Variants in GABRB1 observed in about 807,000 individuals in gnomAD.
GABRB1 encodes gamma-aminobutyric acid type A receptor subunit beta1, also known as gamma-aminobutyric acid receptor subunit beta-1.
Under a neutral mutation model 51.6 loss-of-function variants are expected in GABRB1, and 17 were observed. That is an observed-to-expected ratio of 0.33 (90% CI 0.23 to 0.49). The LOEUF (loss-of-function observed/expected upper bound fraction) is 0.49. Among genes scored for constraint, GABRB1 ranks in the 20% least tolerant of loss-of-function variants. The pLI, the probability that GABRB1 is intolerant of heterozygous loss-of-function variation, is 0.99. For missense variants in GABRB1, 410 were observed against 600.6 expected (o/e 0.68, Z 3.32); for synonymous variants, 247 against 218.9 (o/e 1.13, Z -1.14).
At chr4:47,045,830 A>G (rs1381365451) in intron 3 of GABRB1, among the ~76,000 whole-genome samples, 2 of 152,086 alleles carry the variant, frequency 1.3e-5, no homozygotes, top group Non-Finnish European at 2.9e-5. Context: ...CATTCAGTCT[A>G]TAGCAATCAT....
chr4:47,192,468 G>T (rs759393637), intron 4 of GABRB1, among the ~76,000 whole-genome samples: 2 of 152,060 alleles, frequency 1.3e-5, no homozygotes, highest in Non-Finnish European at 2.9e-5. Context: ...ATACATTTGG[G>T]TCTGTCATTT....
chr4:47,032,555 C>G (rs1725369418), intron 3 of GABRB1, 71 bp downstream of exon 3: 1 of 1,463,054 alleles, frequency 6.8e-7, no homozygotes, highest in East Asian at 2.3e-5. Context: ...CCTTTGCCCT[C>G]TGCGTTTCAT....
At chr4:47,300,116 G>A (rs1001190864) in intron 4 of GABRB1, among the ~76,000 whole-genome samples, 3 of 150,156 alleles carry the variant, frequency 2.0e-5, no homozygotes, top group African/African-American at 7.4e-5. Flanking sequence ...GGGAGGGATA[G>A]CATTAGGAGA....
intron 5 of GABRB1, among the ~76,000 whole-genome samples, chr4:47,323,650 G>T (rs372399035): frequency 6.6e-6 from 1 of 152,146 alleles, no homozygotes; most frequent in African/African-American, 2.4e-5. Context: ...CCAATCGTAC[G>T]TTTGTGACCA....
At chr4:47,197,835 G>C (rs966471576) in intron 4 of GABRB1, among the ~76,000 whole-genome samples, 26 of 152,090 alleles carry the variant, frequency 1.7e-4, no homozygotes, top group African/African-American at 6.3e-4. Flanking sequence ...GAATAATTTT[G>C]TAAGAACACC....
chr4:47,083,423 CTT>C (rs1215126510), intron 3 of GABRB1, among the ~76,000 whole-genome samples: 3 of 152,264 alleles, frequency 2.0e-5, no homozygotes, highest in Non-Finnish European at 4.4e-5. Context: ...TTTATGGCGA[CTT>C]ACAGATTTTC....
At chr4:47,155,911 A>C (rs1370249076) in intron 3 of GABRB1, among the ~76,000 whole-genome samples, 1 of 128,736 alleles carries the variant, frequency 7.8e-6, no homozygotes, top group Non-Finnish European at 1.7e-5. Context: ...AAAAAGAGGT[A>C]TTTTCATATA....
At chr4:47,340,417 C>T (rs1160762213) in intron 5 of GABRB1, among the ~76,000 whole-genome samples, 1 of 152,034 alleles carries the variant, frequency 6.6e-6, no homozygotes, top group Admixed American at 6.6e-5. Flanking sequence ...TCCATTTGCG[C>T]TGGTATAATA....
At chr4:47,170,766 C>T (rs1718405352) in intron 4 of GABRB1, among the ~76,000 whole-genome samples, 1 of 152,080 alleles carries the variant, frequency 6.6e-6, no homozygotes. Flanking sequence ...GCAGACCGTA[C>T]ATAAAGAATA....
chr4:47,354,520 G>A lies in GABRB1; in HGVS notation c.544+34311G>A, dbSNP rs140437616. On this transcript the variant is annotated intron_variant, in intron 5 of 8. Coordinates refer to ENST00000295454, the MANE Select transcript of GABRB1 (RefSeq NM_000812.4). ...GTTCTCATGCTGTAATCTAAACCGG[G>A]TGCTCTCCAGGCCTTCCTGTACCAT... 4.6e-5 allele frequency among the ~76,000 whole-genome samples: 7 copies of A among 152,078 alleles called. No homozygotes were observed. The East Asian group carries it at 1.4e-3, about 29-fold the overall frequency.
rs1047741121 is a variant in GABRB1 at position 47,091,155 on chromosome 4, G to T, written c.240+58671G>T. Reference sequence around the variant, plus strand: ...CCAGCATCTAATGAGTAGAGGCAAGGATACTGCTAAACATCGTACACAGGA... The same window carrying T: ...CCAGCATCTAATGAGTAGAGGCAAGTATACTGCTAAACATCGTACACAGGA... On this transcript the variant is annotated intron_variant, in intron 3 of 8. Coordinates refer to ENST00000295454, the MANE Select transcript of GABRB1 (RefSeq NM_000812.4). Among the ~76,000 whole-genome samples, 5 of 151,978 alleles carry T rather than the reference G, an allele frequency of 3.3e-5. No homozygotes were observed. In the East Asian group the frequency reaches 9.7e-4, roughly 29 times the overall value.
At chr4:47,167,048 T>G (rs1372215677) in intron 4 of GABRB1, among the ~76,000 whole-genome samples, 7 of 152,176 alleles carry the variant, frequency 4.6e-5, no homozygotes, top group Non-Finnish European at 8.8e-5. Flanking sequence ...TTGTTGAAAA[T>G]GTGAATTGTA....
At chr4:47,063,204 G>A (rs886767547) in intron 3 of GABRB1, among the ~76,000 whole-genome samples, 17 of 152,114 alleles carry the variant, frequency 1.1e-4, no homozygotes, top group South Asian at 2.1e-4. Flanking sequence ...GGCCTTGAAC[G>A]TGCCAAGCAG....
chr4:47,382,252 T>G (rs1001934452), intron 5 of GABRB1, among the ~76,000 whole-genome samples: 2 of 152,168 alleles, frequency 1.3e-5, no homozygotes, highest in Non-Finnish European at 2.9e-5. Flanking sequence ...AATTCTTTTT[T>G]CTAGGCCACT....
intron 4 of GABRB1, among the ~76,000 whole-genome samples, chr4:47,280,929 A>G (rs1392431541): frequency 1.3e-5 from 2 of 151,564 alleles, no homozygotes; most frequent in African/African-American, 4.9e-5. Flanking sequence ...GCTGGATTAC[A>G]GGCATGAGCC....
At chr4:47,193,416 G>A (rs563798296) in intron 4 of GABRB1, among the ~76,000 whole-genome samples, 73 of 152,156 alleles carry the variant, frequency 4.8e-4, no homozygotes, top group Non-Finnish European at 9.7e-4. Flanking sequence ...CACTGCACCC[G>A]GCCCATATGT....
intron 5 of GABRB1, among the ~76,000 whole-genome samples, chr4:47,357,856 T>C (rs554621765): frequency 8.0e-4 from 122 of 152,304 alleles, no homozygotes; most frequent in African/African-American, 2.8e-3. Context: ...TCAACTCCTT[T>C]CTACTCAAAC....
intron 4 of GABRB1, among the ~76,000 whole-genome samples, chr4:47,199,941 T>C (rs1000891071): frequency 2.6e-5 from 4 of 152,134 alleles, no homozygotes; most frequent in African/African-American, 9.7e-5. Flanking sequence ...TTATTGTTTT[T>C]CTCCAGCTAC....
intron 4 of GABRB1, among the ~76,000 whole-genome samples, chr4:47,268,656 A>G (rs1341493293): frequency 1.3e-5 from 2 of 152,180 alleles, no homozygotes; most frequent in African/African-American, 4.8e-5. Flanking sequence ...TAGTTTGAAT[A>G]AAAAGATTTT....
Sources: gnomAD v4.1 joint callset for allele counts (sites outside exome capture counted in the v4.1 genomes callset) on GRCh38, gnomAD v4.1.1 for gene constraint, MANE v1.5 for transcripts, NCBI Gene and HGNC (gene_info 2026-07-23, HGNC 2026-07-21) for gene names.